The following CACNA2D3 variants were observed in gnomAD, a reference collection of about 807,000 sequenced individuals.
CACNA2D3 encodes the protein voltage-dependent calcium channel subunit alpha-2/delta-3.
A neutral mutation model predicts 160.6 loss-of-function variants in CACNA2D3; 60 were observed. That is an observed-to-expected ratio of 0.37 (90% CI 0.30 to 0.46). The LOEUF (loss-of-function observed/expected upper bound fraction) is 0.46. CACNA2D3 is among the 20% of genes least tolerant of loss of function. The pLI, the probability that CACNA2D3 is intolerant of heterozygous loss-of-function variation, is 1.00. For missense variants in CACNA2D3, 1,205 were observed against 1,365.0 expected, an observed-to-expected ratio of 0.88 and a Z score of 1.85; for synonymous variants, 558 against 492.9, an observed-to-expected ratio of 1.13 and a Z score of -1.75.
At chr3:54,212,952 A>G (rs553857784) in intron 2 of CACNA2D3, among the ~76,000 whole-genome samples, 90 of 152,190 alleles carry the variant, frequency 5.9e-4, no homozygotes, top group African/African-American at 2.0e-3. Context: ...CAGGCCTCCT[A>G]ATTGCCCTTC....
At chr3:54,756,632 C>T (rs752352380) in intron 12 of CACNA2D3, among the ~76,000 whole-genome samples, 27 of 152,134 alleles carry the variant, frequency 1.8e-4, no homozygotes, top group Non-Finnish European at 2.8e-4. Context: ...GCAGAACTAA[C>T]GCACTGGGCC....
intron 9 of CACNA2D3, among the ~76,000 whole-genome samples, chr3:54,588,800 T>A (rs1260682203): frequency 6.6e-6 from 1 of 151,952 alleles, no homozygotes; most frequent in Non-Finnish European, 1.5e-5. Context: ...AAAGAAGACC[T>A]AAATAATTGG....
At position 54,581,847 on chromosome 3, in the gene CACNA2D3, T is replaced by G. The variant is rs186772682; in HGVS notation, c.933T>G (p.Thr311=). The part of the protein sequence containing the change: ...LHYVEPCLNG[T]LVQADRTNKE... ...ATGTGGAACCTTGCCTGAATGGAAC[T>G]TTGGTGCAAGCCGACAGGACAAACA... Residue 311 remains threonine, a synonymous_variant, in exon 9 of 38, where the codon ACT becomes ACG. Transcript: ENST00000474759. 5,467 of 1,613,780 alleles carry G rather than the reference T, an allele frequency of 3.4e-3. 62 individuals carry two copies. Among genetic ancestry groups the G allele is most frequent in the Admixed American group, 0.031 (1,831 of 59,976 alleles).
At chr3:54,992,236 C>T (rs1424566251) in intron 31 of CACNA2D3, among the ~76,000 whole-genome samples, 2 of 152,192 alleles carry the variant, frequency 1.3e-5, no homozygotes, top group Admixed American at 6.5e-5. Flanking sequence ...AGCATGGTAG[C>T]AGTCTAGCTA....
At chr3:54,559,940 G>C (rs1702299551) in intron 5 of CACNA2D3, among the ~76,000 whole-genome samples, 1 of 152,090 alleles carries the variant, frequency 6.6e-6, no homozygotes, top group Non-Finnish European at 1.5e-5. Context: ...CTTTTTTATG[G>C]CTGCATAGTA....
At chr3:54,188,663 G>C (rs1428456334) in intron 2 of CACNA2D3, among the ~76,000 whole-genome samples, 1 of 152,142 alleles carries the variant, frequency 6.6e-6, no homozygotes, top group Non-Finnish European at 1.5e-5. Context: ...ATTGCTTCAC[G>C]GCTGTAGTTT....
chr3:54,636,301 T>C (rs748977111), intron 10 of CACNA2D3, among the ~76,000 whole-genome samples: 7 of 151,740 alleles, frequency 4.6e-5, no homozygotes, highest in African/African-American at 1.7e-4. Flanking sequence ...ATGGGGTGAA[T>C]ATCAGGTGGA....
chr3:54,683,830 A>G (rs965302888), intron 11 of CACNA2D3, among the ~76,000 whole-genome samples: 2 of 151,988 alleles, frequency 1.3e-5, no homozygotes, highest in African/African-American at 2.4e-5. Context: ...AGTTTGTTCC[A>G]TGCATTGCTC....
rs116841743 is a variant in CACNA2D3, at chr3:54,181,537, A to G, written c.204+57943A>G. Among the ~76,000 whole-genome samples the G allele has an allele frequency of 1.2e-4, 18 of 152,306 alleles. 1 individual carries two copies. The East Asian group carries it at 3.5e-3, about 29-fold the overall frequency. On this transcript the variant is annotated intron_variant, in intron 2 of 37. Transcript: ENST00000474759. Reference sequence around the variant, plus strand: ...GGTTTAAAATGTATGTGCCTGTTAAAATCTGCCCTAACATAGACCTCCATT... The same window carrying G: ...GGTTTAAAATGTATGTGCCTGTTAAGATCTGCCCTAACATAGACCTCCATT...
rs186820982 is a variant in CACNA2D3 at position 54,719,662 on chromosome 3, A to T, written c.1168-32937A>T. On this transcript the variant is annotated intron_variant, in intron 11 of 37. Coordinates refer to ENST00000474759, the MANE Select transcript of CACNA2D3 (RefSeq NM_018398.3). ...TTTATTAGGGTATGCTGGCCTCAAA[A>T]TGAGTTGGGCAGAGTTTCTTCTTTT... is the stretch of plus-strand genomic sequence containing the variant. Among the ~76,000 whole-genome samples the T allele has an allele frequency of 3.3e-5, 5 of 152,104 alleles. No homozygotes were observed. In the East Asian group the frequency reaches 9.7e-4, roughly 29 times the overall value.
chr3:54,773,087 A>T (rs1702349077), intron 13 of CACNA2D3, among the ~76,000 whole-genome samples: 1 of 152,204 alleles, frequency 6.6e-6, no homozygotes, highest in Non-Finnish European at 1.5e-5. Context: ...AATTTGTAGG[A>T]ACTTTTCAAA....
At chr3:54,809,011 C>G (rs1016920226) in intron 13 of CACNA2D3, among the ~76,000 whole-genome samples, 3 of 152,138 alleles carry the variant, frequency 2.0e-5, no homozygotes, top group African/African-American at 7.2e-5. Flanking sequence ...CTCGTTTAAT[C>G]CTCACATTAA....
At chr3:54,907,035 A>G (rs1250067929) in intron 27 of CACNA2D3, among the ~76,000 whole-genome samples, 1 of 152,172 alleles carries the variant, frequency 6.6e-6, no homozygotes, top group Non-Finnish European at 1.5e-5. Flanking sequence ...TCTCCAGGAC[A>G]CTTGCTCCCA....
intron 11 of CACNA2D3, among the ~76,000 whole-genome samples, chr3:54,658,797 C>T (rs1043462102): frequency 4.6e-5 from 7 of 152,012 alleles, no homozygotes; most frequent in Admixed American, 1.3e-4. Flanking sequence ...ACTCACTCCC[C>T]GCTCAGTGCA....
At chr3:54,243,458 C>G (rs1702010709) in intron 2 of CACNA2D3, among the ~76,000 whole-genome samples, 1 of 152,144 alleles carries the variant, frequency 6.6e-6, no homozygotes, top group Non-Finnish European at 1.5e-5. Flanking sequence ...CAGTTGGTGA[C>G]CCATCTCCAC....
At chr3:54,824,990 C>G (rs1703720304) in intron 14 of CACNA2D3, among the ~76,000 whole-genome samples, 1 of 152,124 alleles carries the variant, frequency 6.6e-6, no homozygotes, top group East Asian at 1.9e-4. Flanking sequence ...AGACTTAATT[C>G]TTAGTGTCTT....
chr3:54,895,071 A>G (rs959932452), intron 25 of CACNA2D3, among the ~76,000 whole-genome samples: 7 of 152,174 alleles, frequency 4.6e-5, no homozygotes, highest in Admixed American at 2.0e-4. Flanking sequence ...GCAAGCAGCT[A>G]TGCTATGTCA....
Position 54,885,561 on chromosome 3 carries a change from A to G in CACNA2D3, c.2031A>G (p.Leu677=). 2 of 1,613,194 alleles carry G rather than the reference A, an allele frequency of 1.2e-6. No individual in the cohort carries two copies. Among genetic ancestry groups the G allele is most frequent in the Non-Finnish European group, 1.7e-6 (2 of 1,179,464 alleles). The change falls in exon 23 of 38, where the codon CTA becomes CTG. Residue 677 remains leucine (L), a synonymous_variant. Transcript: ENST00000474759. The part of the protein sequence containing the change: ...LSQLEAIKLY[L]KGKEPLLQCD... ...AGTTAGAAGCGATTAAGCTCTACCT[A>G]AAAGGCAAAGAACCTCTGCTCCAGT...
At chr3:54,141,872 T>A (rs1214693979) in intron 2 of CACNA2D3, among the ~76,000 whole-genome samples, 1 of 152,246 alleles carries the variant, frequency 6.6e-6, no homozygotes, top group African/African-American at 2.4e-5. Context: ...CTTGCTACTC[T>A]GTCCAGGTAT....
Sources: allele counts gnomAD v4.1 joint callset (sites outside exome capture counted in the v4.1 genomes callset), GRCh38; gene constraint gnomAD v4.1.1; transcripts MANE v1.5; gene names NCBI Gene and HGNC (gene_info 2026-07-23, HGNC 2026-07-21).